CLYBL: variants seen among roughly 807,000 people sequenced by gnomAD.
The protein encoded by CLYBL is citramalyl-CoA lyase, also known as citramalyl-CoA lyase, mitochondrial.
CLYBL carries 31 observed loss-of-function variants against 38.9 expected under a neutral mutation model. The ratio of observed to expected loss-of-function variants is 0.80; its 90% CI spans 0.60 to 1.08. The LOEUF is 1.08. CLYBL is among the 50% of genes least tolerant of loss of function. The pLI is 0.00. For synonymous variants in CLYBL, 171 were observed against 158.6 expected, an observed-to-expected ratio of 1.08 and a Z score of -0.59; for missense variants, 434 against 411.6, an observed-to-expected ratio of 1.05 and a Z score of -0.47.
chr13:99,713,889 A>C (rs1032039108), intron 1 of CLYBL, among the ~76,000 whole-genome samples: 4 of 152,150 alleles, frequency 2.6e-5, no homozygotes, highest in Non-Finnish European at 5.9e-5. Flanking sequence ...GGGTTTCGCT[A>C]TGTGCCCAGG....
At chr13:99,714,394 A>T (rs1218051137) in intron 1 of CLYBL, among the ~76,000 whole-genome samples, 2 of 152,056 alleles carry the variant, frequency 1.3e-5, no homozygotes, top group Non-Finnish European at 2.9e-5. Flanking sequence ...AGGTGGGCGG[A>T]TCACCTGAGG....
chr13:99,854,254 G>T (rs926656515), intron 2 of CLYBL, among the ~76,000 whole-genome samples: 11 of 152,050 alleles, frequency 7.2e-5, no homozygotes, highest in Non-Finnish European at 1.5e-4. Flanking sequence ...TGAGTCGGGG[G>T]CTGGGAGGCG....
intron 3 of CLYBL, among the ~76,000 whole-genome samples, chr13:99,860,154 C>T (rs1158946309): frequency 1.3e-5 from 2 of 151,868 alleles, no homozygotes; most frequent in Non-Finnish European, 2.9e-5. Flanking sequence ...AATACACACT[C>T]GATTTTGAAG....
chr13:99,836,952 A>C (rs987394822), intron 2 of CLYBL, among the ~76,000 whole-genome samples: 2 of 152,136 alleles, frequency 1.3e-5, no homozygotes, highest in Admixed American at 6.5e-5. Context: ...TGACAAGTTA[A>C]TGGGTGCAGC....
intron 1 of CLYBL, among the ~76,000 whole-genome samples, chr13:99,636,709 A>G (rs1566595106): frequency 6.6e-6 from 1 of 152,130 alleles, no homozygotes; most frequent in Non-Finnish European, 1.5e-5. Flanking sequence ...TGTTGTGCAC[A>G]GTATGCCTTG....
intron 1 of CLYBL, among the ~76,000 whole-genome samples, chr13:99,664,061 C>T (rs1180752329): frequency 6.6e-6 from 1 of 152,142 alleles, no homozygotes; most frequent in Non-Finnish European, 1.5e-5. Context: ...GAGAAAAAGT[C>T]AGTGGTTCCA....
At chr13:99,773,482 C>T (rs537662874) in intron 2 of CLYBL, among the ~76,000 whole-genome samples, 16 of 152,146 alleles carry the variant, frequency 1.1e-4, no homozygotes, top group Non-Finnish European at 1.9e-4. Flanking sequence ...TCAAGGAGCA[C>T]GACCCTGTTG....
chr13:99,629,423 C>T (rs1472900108), intron 1 of CLYBL, among the ~76,000 whole-genome samples: 1 of 152,168 alleles, frequency 6.6e-6, no homozygotes, highest in Non-Finnish European at 1.5e-5. Flanking sequence ...AGACAGGTTA[C>T]CTGATTGCCC....
intron 3 of CLYBL, among the ~76,000 whole-genome samples, chr13:99,861,430 C>T (rs1485030499): frequency 1.3e-5 from 2 of 152,068 alleles, no homozygotes; most frequent in African/African-American, 4.8e-5. Context: ...CACAAGTTTT[C>T]TTTTTTAATG....
chr13:99,867,358 G>A (rs115967433), intron 6 of CLYBL, among the ~76,000 whole-genome samples: 131 of 152,280 alleles, frequency 8.6e-4, no homozygotes, highest in African/African-American at 3.0e-3. Flanking sequence ...AGGCTTAAAC[G>A]TGAAAAATAT....
At chr13:99,685,296 A>G (rs1363536199) in intron 1 of CLYBL, among the ~76,000 whole-genome samples, 1 of 152,206 alleles carries the variant, frequency 6.6e-6, no homozygotes, top group Admixed American at 6.5e-5. Flanking sequence ...GGGGGGAAAA[A>G]GCCTATTATG....
chr13:99,772,756 A>T (rs1320796400), intron 1 of CLYBL, 68 bp from the exon 2 acceptor site: 2 of 1,247,654 alleles, frequency 1.6e-6, no homozygotes, highest in African/African-American at 1.5e-5. Flanking sequence ...GCATTAAAAT[A>T]TAGTTTTTCA....
At chr13:99,632,767 A>G (rs1265339016) in intron 1 of CLYBL, among the ~76,000 whole-genome samples, 1 of 152,012 alleles carries the variant, frequency 6.6e-6, no homozygotes, top group African/African-American at 2.4e-5. Context: ...CAAAAACAAA[A>G]AAACCCCACT....
chr13:99,773,410 G>A (rs74948445), intron 2 of CLYBL, among the ~76,000 whole-genome samples: 12 of 152,146 alleles, frequency 7.9e-5, no homozygotes, highest in Non-Finnish European at 1.8e-4. Context: ...GATGAGCAGT[G>A]GGTGAACAAG....
intron 2 of CLYBL, among the ~76,000 whole-genome samples, chr13:99,785,191 CTTTTTTTT>C (rs58550861): frequency 1.5e-4 from 5 of 34,204 alleles, no homozygotes; most frequent in Non-Finnish European, 1.9e-4. Flanking sequence ...CCCCGCCTGG[CTTTTTTTT>C]TTTTTTTTTT....
intron 2 of CLYBL, among the ~76,000 whole-genome samples, chr13:99,796,224 A>G (rs966152875): frequency 2.0e-5 from 3 of 152,156 alleles, no homozygotes; most frequent in African/African-American, 7.2e-5. Flanking sequence ...GCTGCATGCC[A>G]TCAGCCTTCA....
At chr13:99,702,716 G>A (rs1240158175) in intron 1 of CLYBL, among the ~76,000 whole-genome samples, 4 of 152,048 alleles carry the variant, frequency 2.6e-5, no homozygotes, top group African/African-American at 4.8e-5. Context: ...AGCTCTGAGC[G>A]CCTAGAGGCT....
At chr13:99,864,058 T>C (rs2051678419) in intron 4 of CLYBL, among the ~76,000 whole-genome samples, 2 of 152,176 alleles carry the variant, frequency 1.3e-5, no homozygotes, top group African/African-American at 4.8e-5. Flanking sequence ...GAGAATATAA[T>C]CAAAAGCATA....
At chr13:99,674,062 G>T (rs951746695) in intron 1 of CLYBL, among the ~76,000 whole-genome samples, 1 of 151,710 alleles carries the variant, frequency 6.6e-6, no homozygotes, top group Admixed American at 6.6e-5. Flanking sequence ...TGGGGTAGGG[G>T]TGGAGGTCAA....
Sources: allele counts gnomAD v4.1 joint callset (sites outside exome capture counted in the v4.1 genomes callset), GRCh38; gene constraint gnomAD v4.1.1; transcripts MANE v1.5; gene names NCBI Gene and HGNC (gene_info 2026-07-23, HGNC 2026-07-21).